The following SRPK1 variants were observed in gnomAD, a reference collection of about 807,000 sequenced individuals.
SRPK1 encodes the protein SFRS protein kinase 1.
SRPK1 carries 52 observed loss-of-function variants against 89.5 expected under a neutral mutation model. The observed-to-expected ratio is 0.58, with a 90% CI of 0.46 to 0.73. SRPK1 has a LOEUF of 0.73. SRPK1 is among the 30% of genes least tolerant of loss of function. The pLI, the probability that SRPK1 is intolerant of heterozygous loss-of-function variation, is 0.00. For synonymous variants in SRPK1, 255 were observed against 270.2 expected, an observed-to-expected ratio of 0.94 and a Z score of 0.55; for missense variants, 603 against 780.6, an observed-to-expected ratio of 0.77 and a Z score of 2.71.
chr6:35,892,686 CAACGACA>C (rs758488388), intron 2 of SRPK1, among the ~76,000 whole-genome samples: 11 of 136,442 alleles, frequency 8.1e-5, no homozygotes, highest in East Asian at 2.0e-4. Context: ...ACAACAACAA[CAACGACA>C]ACAACACAAA....
chr6:35,889,667 C>T (rs371878002), intron 3 of SRPK1, among the ~76,000 whole-genome samples: 42 of 152,160 alleles, frequency 2.8e-4, no homozygotes, highest in African/African-American at 9.9e-4. Context: ...GCCTGTAGTC[C>T]CAGCTACTCG....
chr6:35,868,193 C>T (rs1032867352), intron 12 of SRPK1, among the ~76,000 whole-genome samples: 1 of 152,002 alleles, frequency 6.6e-6, no homozygotes, highest in Non-Finnish European at 1.5e-5. Flanking sequence ...AGGCTGGTCT[C>T]GAACTCCTGA....
intron 12 of SRPK1, among the ~76,000 whole-genome samples, chr6:35,865,085 A>G (rs1361451507): frequency 6.6e-6 from 1 of 151,926 alleles, no homozygotes; most frequent in African/African-American, 2.4e-5. Context: ...TAATGGGTAT[A>G]AAAAAATTAC....
At chr6:35,880,735 G>GAAAAAAAAAAAAAA (rs1238876364) in intron 6 of SRPK1, among the ~76,000 whole-genome samples, 12 of 26,972 alleles carry the variant, frequency 4.4e-4, no homozygotes, top group African/African-American at 1.1e-3. Flanking sequence ...AAAAAAAAAA[G>GAAAAAAAAAAAAAA]AAAAAAAAAA....
At chr6:35,866,997 A>G (rs1448080991) in intron 12 of SRPK1, among the ~76,000 whole-genome samples, 2 of 152,162 alleles carry the variant, frequency 1.3e-5, no homozygotes, top group East Asian at 3.9e-4. Flanking sequence ...ATGATCGACA[A>G]TGAAGACTCA....
chr6:35,865,817 A>C (rs1769884972), intron 12 of SRPK1, among the ~76,000 whole-genome samples: 2 of 152,202 alleles, frequency 1.3e-5, no homozygotes, highest in Non-Finnish European at 2.9e-5. Context: ...CATGAATATA[A>C]GACCTGAAAC....
intron 3 of SRPK1, among the ~76,000 whole-genome samples, chr6:35,889,748 C>A (rs1022647290): frequency 6.7e-6 from 1 of 150,090 alleles, no homozygotes; most frequent in African/African-American, 2.5e-5. Context: ...TGTGCCACTG[C>A]ACTCCAGCCT....
At chr6:35,899,115 C>T (rs929602852) in intron 2 of SRPK1, among the ~76,000 whole-genome samples, 1 of 152,272 alleles carries the variant, frequency 6.6e-6, no homozygotes, top group Non-Finnish European at 1.5e-5. Context: ...GAGCTGGGAT[C>T]GCACCACTGC....
At chr6:35,894,184 A>G (rs930482532) in intron 2 of SRPK1, among the ~76,000 whole-genome samples, 1 of 152,162 alleles carries the variant, frequency 6.6e-6, no homozygotes, top group Non-Finnish European at 1.5e-5. Flanking sequence ...TGGAAAACTG[A>G]CCCTACAAGA....
chr6:35,916,506 T>C (rs1306051961), intron 2 of SRPK1, among the ~76,000 whole-genome samples: 2 of 152,314 alleles, frequency 1.3e-5, no homozygotes, highest in East Asian at 3.9e-4. Flanking sequence ...AAATGTTAGA[T>C]ATTTAAGTAT....
chr6:35,917,088 A>C (rs1243957122), intron 2 of SRPK1, among the ~76,000 whole-genome samples: 8 of 152,202 alleles, frequency 5.3e-5, no homozygotes, highest in African/African-American at 1.7e-4. Flanking sequence ...AAACAAAAAC[A>C]GACACACACT....
Position 35,855,520 on chromosome 6 carries a change from C to T in SRPK1, c.1620+1741G>A, listed in dbSNP as rs537038293. Among the ~76,000 whole-genome samples the T allele has an allele frequency of 8.5e-5, 13 of 152,248 alleles. No individual in the cohort carries two copies. In the South Asian group the frequency reaches 2.7e-3, roughly 32 times the overall value. On this transcript the variant is annotated intron_variant, in intron 13 of 15. Transcript: ENST00000373825. ...AGTTGCCTGTGAATATTAAATGTTA[C>T]TTGAAATGAGAGCATAATATGTTTC...
intron 6 of SRPK1, among the ~76,000 whole-genome samples, chr6:35,880,657 T>G (rs535996771): frequency 5.7e-5 from 8 of 140,390 alleles, no homozygotes; most frequent in Non-Finnish European, 9.1e-5. Flanking sequence ...GGGAGGCAGA[T>G]TGCAGTGAGC....
chr6:35,851,769 T>C (rs1486897796), intron 13 of SRPK1, among the ~76,000 whole-genome samples: 3 of 152,164 alleles, frequency 2.0e-5, no homozygotes, highest in Non-Finnish European at 4.4e-5. Context: ...GCTAGAGACA[T>C]CATGGGACTT....
chr6:35,866,521 G>C (rs1769908845), intron 12 of SRPK1, among the ~76,000 whole-genome samples: 1 of 152,148 alleles, frequency 6.6e-6, no homozygotes, highest in African/African-American at 2.4e-5. Flanking sequence ...GGGAGGCAGA[G>C]GCTGCAGTGA....
At chr6:35,851,644 A>C (rs9470136) in intron 13 of SRPK1, among the ~76,000 whole-genome samples, 47,909 of 151,992 alleles carry the variant, frequency 0.32, 7,790 homozygotes, top group South Asian at 0.42. Flanking sequence ...GTAGGGTGAA[A>C]CAAGCATTCT....
In SRPK1 at chr6:35,907,361, AAG is replaced by A. The variant is rs1486812185; in HGVS notation, c.74+13105_74+13106del. Among the ~76,000 whole-genome samples the A allele has an allele frequency of 1.1e-4, 16 of 152,202 alleles. No homozygotes were observed. The East Asian group carries it at 2.9e-3, about 27-fold the overall frequency. On this transcript the variant is annotated intron_variant, in intron 2 of 15. Transcript: ENST00000373825. ...ACCGTAGCTATGCTTTAAAAAAATTAAGAGTCTATAATTTATAAAATAATATG... is the reference window on the plus strand; with the variant it reads ...ACCGTAGCTATGCTTTAAAAAAATTAAGTCTATAATTTATAAAATAATATG...
chr6:35,872,745 T>C lies in SRPK1; in HGVS notation c.586-17A>G. On this transcript the variant is annotated splice_polypyrimidine_tract_variant and intron_variant, in intron 7 of 15. Transcript: ENST00000373825. Reference sequence around the variant, plus strand: ...CTGTAACACCTGAATGGAAATAGAGTGGCAGACTTGCAAACACAAAATACA... The same window carrying C: ...CTGTAACACCTGAATGGAAATAGAGCGGCAGACTTGCAAACACAAAATACA... The C allele has an allele frequency of 1.3e-6, 2 of 1,574,244 alleles. No homozygotes were observed. Among genetic ancestry groups the C allele is most frequent in the Non-Finnish European group, 1.7e-6 (2 of 1,163,956 alleles).
At chr6:35,838,769 C>T in intron 14 of SRPK1, 4 of 1,386,164 alleles carry the variant, frequency 2.9e-6, no homozygotes, top group Non-Finnish European at 3.9e-6. Flanking sequence ...GGAATTCTGC[C>T]TATCAGCTCT....
Sources: gnomAD v4.1 joint callset for allele counts (sites outside exome capture counted in the v4.1 genomes callset) on GRCh38, gnomAD v4.1.1 for gene constraint, MANE v1.5 for transcripts, NCBI Gene and HGNC (gene_info 2026-07-23, HGNC 2026-07-21) for gene names.